The following NCAM2 variants were observed in gnomAD, a reference collection of about 807,000 sequenced individuals.
NCAM2 encodes the protein neural cell adhesion molecule 2, also known as N-CAM-2.
NCAM2 carries 30 observed loss-of-function variants against 98.1 expected under a neutral mutation model. The ratio of observed to expected loss-of-function variants is 0.31; its 90% CI spans 0.23 to 0.41. The LOEUF (loss-of-function observed/expected upper bound fraction) is 0.41, where lower values mean the gene tolerates loss of function less well. Ranked by LOEUF, NCAM2 falls within the 10% of genes least tolerant of loss-of-function variation. The pLI is 1.00. For synonymous variants in NCAM2, 368 were observed against 342.4 expected, an observed-to-expected ratio of 1.07 and a Z score of -0.83; for missense variants, 867 against 1,005.8, an observed-to-expected ratio of 0.86 and a Z score of 1.87.
At chr21:21,071,134 C>T (rs1212534293) in intron 1 of NCAM2, among the ~76,000 whole-genome samples, 1 of 151,964 alleles carries the variant, frequency 6.6e-6, no homozygotes, top group East Asian at 1.9e-4. Flanking sequence ...AGTGTTTTCA[C>T]GAAAAACTGA....
chr21:21,198,061 T>C (rs750037198), intron 1 of NCAM2, among the ~76,000 whole-genome samples: 1 of 152,220 alleles, frequency 6.6e-6, no homozygotes, highest in African/African-American at 2.4e-5. Context: ...GGTAATCATG[T>C]GAGTTAACAT....
intron 1 of NCAM2, among the ~76,000 whole-genome samples, chr21:21,104,089 CATTA>C (rs1225542619): frequency 1.3e-5 from 2 of 152,020 alleles, no homozygotes; most frequent in African/African-American, 4.8e-5. Flanking sequence ...CCTTTGGAGA[CATTA>C]ATTAACTTTT....
At chr21:21,352,059 G>A (rs377596737) in intron 8 of NCAM2, among the ~76,000 whole-genome samples, 21 of 151,672 alleles carry the variant, frequency 1.4e-4, no homozygotes, top group African/African-American at 5.1e-4. Context: ...AAAGTTGTTT[G>A]GTTGTTATTG....
At chr21:21,039,498 C>T (rs1037439523) in intron 1 of NCAM2, among the ~76,000 whole-genome samples, 4 of 152,158 alleles carry the variant, frequency 2.6e-5, no homozygotes, top group African/African-American at 9.7e-5. Context: ...ATGAACACCA[C>T]AAATGCCCTG....
chr21:21,452,988 TTATATTATATAA>T (rs1981510482), intron 12 of NCAM2, among the ~76,000 whole-genome samples: 1 of 90,058 alleles, frequency 1.1e-5, no homozygotes, highest in African/African-American at 4.8e-5. Flanking sequence ...ATATTATATA[TTATATTATATAA>T]TATATAATAT....
chr21:21,369,009 A>G (rs1401694764), intron 8 of NCAM2, among the ~76,000 whole-genome samples: 2 of 151,782 alleles, frequency 1.3e-5, no homozygotes, highest in Non-Finnish European at 2.9e-5. Context: ...CACCCATTAA[A>G]CTGTGCAATT....
intron 1 of NCAM2, among the ~76,000 whole-genome samples, chr21:21,149,363 A>G (rs1163227342): frequency 1.3e-5 from 2 of 152,108 alleles, no homozygotes; most frequent in Non-Finnish European, 2.9e-5. Context: ...TTCTCAATTT[A>G]TTTAGATCTC....
intron 1 of NCAM2, among the ~76,000 whole-genome samples, chr21:21,244,164 A>G (rs1247108294): frequency 6.6e-6 from 1 of 152,170 alleles, no homozygotes; most frequent in African/African-American, 2.4e-5. Context: ...CAAGGAACAC[A>G]GGCCATCCTC....
intron 1 of NCAM2, among the ~76,000 whole-genome samples, chr21:21,026,127 T>C (rs1305225301): frequency 6.6e-6 from 1 of 152,058 alleles, no homozygotes; most frequent in East Asian, 1.9e-4. Flanking sequence ...GGTGTGATGA[T>C]GGTGGTGAAG....
At chr21:21,020,794 T>C (rs966571343) in intron 1 of NCAM2, among the ~76,000 whole-genome samples, 4 of 152,310 alleles carry the variant, frequency 2.6e-5, no homozygotes, top group African/African-American at 9.6e-5. Context: ...TTTTTAAATA[T>C]CTTCCACATT....
At chr21:21,325,808 A>G (rs1490039705) in intron 6 of NCAM2, among the ~76,000 whole-genome samples, 1 of 152,208 alleles carries the variant, frequency 6.6e-6, no homozygotes, top group South Asian at 2.1e-4. Flanking sequence ...AAGCACAAAA[A>G]TAATATGAGC....
chr21:21,026,496 G>T (rs1461565673), intron 1 of NCAM2, among the ~76,000 whole-genome samples: 2 of 151,968 alleles, frequency 1.3e-5, no homozygotes, highest in Non-Finnish European at 2.9e-5. Context: ...GTGGTGGCAG[G>T]CTTCTGTCAT....
chr21:21,251,894 T>A (rs935300820), intron 1 of NCAM2, among the ~76,000 whole-genome samples: 1 of 152,152 alleles, frequency 6.6e-6, no homozygotes, highest in Non-Finnish European at 1.5e-5. Context: ...GCAGAAGCTC[T>A]TTAGTTAAAT....
At chr21:21,478,823 G>A (rs1302887959) in intron 15 of NCAM2, among the ~76,000 whole-genome samples, 3 of 152,000 alleles carry the variant, frequency 2.0e-5, no homozygotes, top group Non-Finnish European at 4.4e-5. Context: ...GATTTTAAGA[G>A]GTTTAATGAC....
chr21:21,471,853 C>A, intron 14 of NCAM2, among the ~76,000 whole-genome samples: 1 of 151,952 alleles, frequency 6.6e-6, no homozygotes, highest in East Asian at 1.9e-4. Context: ...TCACCCATTA[C>A]AAAGACAGAA....
At chr21:21,136,620 C>T (rs1282515848) in intron 1 of NCAM2, among the ~76,000 whole-genome samples, 1 of 105,432 alleles carries the variant, frequency 9.5e-6, no homozygotes, top group Non-Finnish European at 1.9e-5. Context: ...GGCCACCACG[C>T]CTGTTTTTTG....
intron 1 of NCAM2, among the ~76,000 whole-genome samples, chr21:21,056,707 G>C (rs1420006972): frequency 6.6e-6 from 1 of 152,010 alleles, no homozygotes; most frequent in African/African-American, 2.4e-5. Context: ...TTCCATCATG[G>C]AGTACAACCA....
chr21:21,371,865 G>GCACA lies in NCAM2; in HGVS notation c.1045-1974_1045-1971dup, dbSNP rs5842919. Among the ~76,000 whole-genome samples, 573 of 148,478 alleles carry GCACA rather than the reference G, an allele frequency of 3.9e-3. 3 individuals carry two copies. Among genetic ancestry groups the GCACA allele is most frequent in the African/African-American group, 0.01 (424 of 40,736 alleles). ...TGCTTATTGTAAAATAAATGCGCGT[G>GCACA]CACACACACACACACACACACACAC... On this transcript the variant is annotated intron_variant, in intron 8 of 17. Coordinates refer to ENST00000400546, the MANE Select transcript of NCAM2 (RefSeq NM_004540.5).
At chr21:21,485,917 C>A (rs1450803760) in intron 15 of NCAM2, among the ~76,000 whole-genome samples, 1 of 152,056 alleles carries the variant, frequency 6.6e-6, no homozygotes, top group Non-Finnish European at 1.5e-5. Flanking sequence ...TTTAACTTAT[C>A]TTTTCCAAAC....
Sources: gnomAD v4.1 joint callset for allele counts (sites outside exome capture counted in the v4.1 genomes callset) on GRCh38, gnomAD v4.1.1 for gene constraint, MANE v1.5 for transcripts, NCBI Gene and HGNC (gene_info 2026-07-23, HGNC 2026-07-21) for gene names.